The following CEP128 variants were observed in gnomAD, a reference collection of about 807,000 sequenced individuals.
CEP128 encodes the protein centrosomal protein 128kDa.
A neutral mutation model predicts 156.7 loss-of-function variants in CEP128; 132 were observed. The observed-to-expected ratio is 0.84, with a 90% CI of 0.73 to 0.97. CEP128 has a LOEUF of 0.97. Among genes scored for constraint, CEP128 ranks in the 50% least tolerant of loss-of-function variants. The probability of loss-of-function intolerance (pLI) is 0.00; values close to 1 mark genes in which losing one functional copy is unlikely to be tolerated. For missense variants in CEP128, 1,252 were observed against 1,281.9 expected, an observed-to-expected ratio of 0.98 and a Z score of 0.36; for synonymous variants, 469 against 448.9, an observed-to-expected ratio of 1.04 and a Z score of -0.57.
In CEP128 at chr14:80,641,453, T is replaced by C. The variant is rs8010347; in HGVS notation, c.2807-61030A>G. Among the ~76,000 whole-genome samples, 3 of 152,258 alleles carry C rather than the reference T, an allele frequency of 2.0e-5. No homozygotes were observed. In the East Asian group the frequency reaches 5.8e-4, roughly 30 times the overall value. ...AAGTACCAGTTTCCCTGGTACCATA[T>C]GCTACAGTCACCAACTACTGATGTT... On this transcript the variant is annotated intron_variant, in intron 19 of 24. Coordinates refer to ENST00000555265, the MANE Select transcript of CEP128 (RefSeq NM_152446.5).
intron 7 of CEP128, among the ~76,000 whole-genome samples, chr14:80,897,306 T>C (rs1267773381): frequency 1.3e-5 from 2 of 152,172 alleles, no homozygotes; most frequent in African/African-American, 2.4e-5. Context: ...TTATAACTCC[T>C]TGCAACTCAG....
At chr14:80,873,072 T>C (rs1198196664) in intron 8 of CEP128, among the ~76,000 whole-genome samples, 2 of 152,216 alleles carry the variant, frequency 1.3e-5, no homozygotes, top group African/African-American at 4.8e-5. Context: ...AACTGGCACA[T>C]GAACAATTCA....
intron 19 of CEP128, among the ~76,000 whole-genome samples, chr14:80,651,308 T>C (rs1894893817): frequency 1.3e-5 from 2 of 152,092 alleles, no homozygotes; most frequent in Non-Finnish European, 1.5e-5. Context: ...CTTCTCTCTT[T>C]TCTTCTTTAT....
intron 21 of CEP128, among the ~76,000 whole-genome samples, chr14:80,540,884 C>T (rs1889724843): frequency 6.6e-6 from 1 of 152,152 alleles, no homozygotes; most frequent in South Asian, 2.1e-4. Context: ...GCCAATGGTA[C>T]CATACCAAAT....
intron 23 of CEP128, among the ~76,000 whole-genome samples, chr14:80,512,779 A>T (rs998657538): frequency 6.6e-6 from 1 of 151,946 alleles, no homozygotes; most frequent in Non-Finnish European, 1.5e-5. Context: ...GTTTGCAAAT[A>T]ACATAACATG....
intron 19 of CEP128, among the ~76,000 whole-genome samples, chr14:80,644,768 C>A (rs10139152): frequency 0.089 from 13,529 of 152,082 alleles, 1,922 homozygotes; most frequent in African/African-American, 0.3. Flanking sequence ...GAATTTGAGT[C>A]ATGACAACTG....
intron 19 of CEP128, among the ~76,000 whole-genome samples, chr14:80,639,318 C>G (rs566249786): frequency 6.6e-6 from 1 of 152,148 alleles, no homozygotes; most frequent in South Asian, 2.1e-4. Context: ...CAAAGGCTAA[C>G]AAACATATGG....
chr14:80,478,206 C>T (rs1019316969), exon 15 of CEP128: 1 of 152,016 alleles, frequency 6.6e-6, no homozygotes, highest in Non-Finnish European at 1.5e-5. Context: ...AGTGTAGAAA[C>T]AGAAAATGGA....
chr14:80,934,081 A>G (rs12878041), intron 2 of CEP128, among the ~76,000 whole-genome samples: 41,246 of 151,844 alleles, frequency 0.27, 6,668 homozygotes, highest in East Asian at 0.46. Context: ...TGCAACCACC[A>G]GCTGAGGATG....
intron 19 of CEP128, among the ~76,000 whole-genome samples, chr14:80,716,119 T>C (rs1897593278): frequency 6.6e-6 from 1 of 152,164 alleles, no homozygotes; most frequent in South Asian, 2.1e-4. Context: ...AGATTCAAAA[T>C]ATATTTTATT....
At chr14:80,477,508 C>T (rs1594894672) in exon 15 of CEP128, 1 of 152,124 alleles carries the variant, frequency 6.6e-6, no homozygotes, top group African/African-American at 2.4e-5. Context: ...AGCACCTCCC[C>T]GTGTTATCTA....
chr14:80,824,467 G>A (rs923305993), intron 13 of CEP128, among the ~76,000 whole-genome samples: 2 of 152,130 alleles, frequency 1.3e-5, no homozygotes, highest in African/African-American at 4.8e-5. Flanking sequence ...AAAACTGAAT[G>A]CCTTTAACAG....
rs112069502 is a variant in CEP128 at position 80,679,055 on chromosome 14, T to A, written c.2806+64020A>T. Among the ~76,000 whole-genome samples the A allele has an allele frequency of 2.8e-3, 434 of 152,338 alleles. 2 individuals are homozygous for A. Among genetic ancestry groups the A allele is most frequent in the African/African-American group, 9.9e-3 (411 of 41,576 alleles). Reference sequence around the variant, plus strand: ...ACTTTCCAAATAATACTCTTATAATTTCTTACACCTGCCTTATTTTAATCT... The same window carrying A: ...ACTTTCCAAATAATACTCTTATAATATCTTACACCTGCCTTATTTTAATCT... On this transcript the variant is annotated intron_variant, in intron 19 of 24. Transcript: ENST00000555265.
intron 19 of CEP128, among the ~76,000 whole-genome samples, chr14:80,734,846 CAAA>C (rs397798792): frequency 2.6e-4 from 16 of 62,060 alleles, no homozygotes; most frequent in African/African-American, 4.7e-4. Flanking sequence ...GACCCCATCT[CAAA>C]AAAAAAAAAA....
chr14:80,729,217 G>A (rs1898167543), intron 19 of CEP128, among the ~76,000 whole-genome samples: 1 of 149,548 alleles, frequency 6.7e-6, no homozygotes, highest in Admixed American at 6.7e-5. Flanking sequence ...TTATGCCTTT[G>A]TGTCCTCATA....
chr14:80,665,577 G>C (rs1895579311), intron 19 of CEP128, among the ~76,000 whole-genome samples: 2 of 151,936 alleles, frequency 1.3e-5, no homozygotes, highest in Admixed American at 6.6e-5. Context: ...AAGAAAAAGG[G>C]GATAATTCAC....
intron 19 of CEP128, among the ~76,000 whole-genome samples, chr14:80,729,219 G>A (rs1267853903): frequency 1.3e-5 from 2 of 149,872 alleles, no homozygotes; most frequent in African/African-American, 2.5e-5. Context: ...ATGCCTTTGT[G>A]TCCTCATAGT....
At chr14:80,505,129 C>T (rs1049660306) in intron 23 of CEP128, 109 bp from the exon 24 acceptor site, 2 of 397,492 alleles carry the variant, frequency 5.0e-6, no homozygotes, top group Non-Finnish European at 9.2e-6. Flanking sequence ...CTATGTTGTA[C>T]ATGCACAATT....
chr14:80,551,679 T>C lies in CEP128; in HGVS notation c.2880+7600A>G, dbSNP rs147144071. Among the ~76,000 whole-genome samples, 231 of 152,344 alleles carry C rather than the reference T, an allele frequency of 1.5e-3. 5 individuals carry two copies. In the Middle Eastern group the frequency reaches 0.024, roughly 16 times the overall value. ...CTTTAATGATTTCTTATCAACACTC[T>C]CTTAGCTTTGATTTCTGGAGCTATA... is the stretch of plus-strand genomic sequence containing the variant. On this transcript the variant is annotated intron_variant, in intron 21 of 24. Coordinates refer to ENST00000555265, the MANE Select transcript of CEP128 (RefSeq NM_152446.5).
Sources: gnomAD v4.1 joint callset for allele counts (sites outside exome capture counted in the v4.1 genomes callset) on GRCh38, gnomAD v4.1.1 for gene constraint, MANE v1.5 for transcripts, NCBI Gene and HGNC (gene_info 2026-07-23, HGNC 2026-07-21) for gene names.